SHISA6: variants seen among roughly 807,000 people sequenced by gnomAD.
The protein encoded by SHISA6 is protein shisa-6.
A neutral mutation model predicts 47.9 loss-of-function variants in SHISA6; 22 were observed. The observed-to-expected ratio is 0.46, with a 90% confidence interval of 0.33 to 0.66. The LOEUF (loss-of-function observed/expected upper bound fraction) is 0.66, where lower values mean the gene tolerates loss of function less well. Ranked by LOEUF, SHISA6 falls within the 30% of genes least tolerant of loss-of-function variation. SHISA6 has a pLI of 0.02. For synonymous variants in SHISA6, 388 were observed against 337.8 expected (o/e 1.15, Z -1.63); for missense variants, 680 against 764.6 (o/e 0.89, Z 1.30).
At chr17:11,531,839 A>G (rs2071736059) in intron 3 of SHISA6, among the ~76,000 whole-genome samples, 1 of 152,228 alleles carries the variant, frequency 6.6e-6, no homozygotes, top group South Asian at 2.1e-4. Context: ...TAGATTTTAA[A>G]TGTTCTCAAC....
In SHISA6 at chr17:11,356,457, G is replaced by A. The variant is rs544955085; in HGVS notation, c.800-22957G>A. Among the ~76,000 whole-genome samples, 76 of 152,298 alleles carry A rather than the reference G, an allele frequency of 5.0e-4. No individual in the cohort carries two copies. The South Asian group carries it at 0.015, about 29-fold the overall frequency. On this transcript the variant is annotated intron_variant, in intron 2 of 5. Transcript: ENST00000441885. ...GTCACAGCAAAATAGTTCCCTCTACGCACTTTGGCTGGAACATCTTATTTA... is the reference window on the plus strand; with the variant it reads ...GTCACAGCAAAATAGTTCCCTCTACACACTTTGGCTGGAACATCTTATTTA...
rs1910834054 is a variant in SHISA6 at position 11,325,112 on chromosome 17, T to C, written c.800-54302T>C. On this transcript the variant is annotated intron_variant, in intron 2 of 5. Transcript: ENST00000441885. ...TCATTCTCAGATGGCAGCCTTGACA[T>C]GTCAGGACAGCCTGGATCCAGGCGA... Among the ~76,000 whole-genome samples the C allele has an allele frequency of 2.0e-5, 3 of 152,134 alleles. 1 individual carries two copies. In the South Asian group the frequency reaches 6.2e-4, roughly 32 times the overall value.
chr17:11,506,117 C>T (rs1320106142), intron 3 of SHISA6, among the ~76,000 whole-genome samples: 3 of 152,162 alleles, frequency 2.0e-5, no homozygotes, highest in Non-Finnish European at 4.4e-5. Flanking sequence ...TCAAGTGAAA[C>T]GTTGATATTC....
chr17:11,343,301 G>T (rs924185537), intron 2 of SHISA6, among the ~76,000 whole-genome samples: 1 of 152,130 alleles, frequency 6.6e-6, no homozygotes, highest in Non-Finnish European at 1.5e-5. Flanking sequence ...TGATGTCATC[G>T]GTTTAATTCC....
At chr17:11,432,934 CAG>C (rs1284860417) in intron 3 of SHISA6, among the ~76,000 whole-genome samples, 2 of 152,082 alleles carry the variant, frequency 1.3e-5, no homozygotes, top group Admixed American at 1.3e-4. Context: ...CTGATGGGTA[CAG>C]AGTTTCTTTG....
rs540361263 is a variant in SHISA6, at chr17:11,244,441, A to G, written c.638+2381A>G. ...TTCAGTTCTGGGTAACTGAAGCACA[A>G]TGTCCCAACTCAGCTTCTTGCTTCC... On this transcript the variant is annotated intron_variant, in intron 1 of 5. Coordinates refer to ENST00000441885, the MANE Select transcript of SHISA6 (RefSeq NM_207386.4). Among the ~76,000 whole-genome samples the G allele has an allele frequency of 3.9e-5, 6 of 152,206 alleles. No individual in the cohort carries two copies. The South Asian group carries it at 1.2e-3, about 32-fold the overall frequency.
chr17:11,263,865 G>A (rs1908333654), intron 2 of SHISA6, among the ~76,000 whole-genome samples: 1 of 152,168 alleles, frequency 6.6e-6, no homozygotes, highest in Admixed American at 6.5e-5. Flanking sequence ...ACTTTAGGCT[G>A]AGTAGGATGC....
At chr17:11,338,386 CTTTTTTGTTTAT>C (rs1911397314) in intron 2 of SHISA6, among the ~76,000 whole-genome samples, 1 of 151,918 alleles carries the variant, frequency 6.6e-6, no homozygotes, top group African/African-American at 2.4e-5. Flanking sequence ...TACCAGAAGC[CTTTTTTGTTTAT>C]TTTTTTGTTT....
intron 3 of SHISA6, among the ~76,000 whole-genome samples, chr17:11,524,184 C>T (rs906585838): frequency 2.0e-5 from 3 of 151,856 alleles, no homozygotes; most frequent in African/African-American, 7.3e-5. Flanking sequence ...AATAGGGCCC[C>T]GAAACTACTG....
At chr17:11,408,772 A>G (rs184157749) in intron 3 of SHISA6, among the ~76,000 whole-genome samples, 17 of 152,346 alleles carry the variant, frequency 1.1e-4, no homozygotes, top group African/African-American at 4.1e-4. Flanking sequence ...TGATTAATTC[A>G]GGTGTTTCTT....
At chr17:11,350,196 T>C (rs866441372) in intron 2 of SHISA6, among the ~76,000 whole-genome samples, 63 of 139,930 alleles carry the variant, frequency 4.5e-4, no homozygotes, top group Middle Eastern at 3.5e-3. Flanking sequence ...TTTTTTTTTT[T>C]TGAGACGGAG....
intron 2 of SHISA6, among the ~76,000 whole-genome samples, chr17:11,295,000 G>A (rs1306870269): frequency 2.0e-5 from 3 of 152,150 alleles, no homozygotes; most frequent in African/African-American, 4.8e-5. Flanking sequence ...CGCGGCAGTC[G>A]ATCTGATAAC....
intron 2 of SHISA6, among the ~76,000 whole-genome samples, chr17:11,327,708 A>T (rs1275212223): frequency 6.6e-6 from 1 of 152,176 alleles, no homozygotes; most frequent in Admixed American, 6.5e-5. Flanking sequence ...GAGGCAGGAG[A>T]ATCGCTTGAA....
chr17:11,257,126 G>A lies in SHISA6; in HGVS notation c.639-6240G>A, dbSNP rs147892486. ...AGCCGTTCTGAGCCTCTCTGTATGA[G>A]GAGAGCAGTCTTGTGCACACACAAA... On this transcript the variant is annotated intron_variant, in intron 1 of 5. Transcript: ENST00000441885. Among the ~76,000 whole-genome samples the A allele has an allele frequency of 3.2e-3, 494 of 152,318 alleles. 5 individuals carry two copies. The highest frequency in any genetic ancestry group is 0.011 in the African/African-American group (464 of 41,562).
chr17:11,416,455 T>A (rs1914284914), intron 3 of SHISA6, among the ~76,000 whole-genome samples: 3 of 152,166 alleles, frequency 2.0e-5, no homozygotes. Context: ...ATCTCATAGT[T>A]GTTGGTCGAA....
At chr17:11,325,717 G>C (rs1279993430) in intron 2 of SHISA6, among the ~76,000 whole-genome samples, 1 of 150,798 alleles carries the variant, frequency 6.6e-6, no homozygotes, top group East Asian at 1.9e-4. Flanking sequence ...AAAAAGACTT[G>C]ATGTCAAGAG....
At chr17:11,464,091 A>AT (rs986572363) in intron 3 of SHISA6, among the ~76,000 whole-genome samples, 2 of 151,680 alleles carry the variant, frequency 1.3e-5, no homozygotes, top group African/African-American at 2.4e-5. Context: ...TAATTTTTAA[A>AT]TTTTTTTTAG....
intron 3 of SHISA6, among the ~76,000 whole-genome samples, chr17:11,479,336 C>A (rs1168016074): frequency 1.3e-5 from 2 of 152,130 alleles, no homozygotes; most frequent in African/African-American, 2.4e-5. Context: ...TGGAAGTCAT[C>A]ATTCTCAGCA....
intron 2 of SHISA6, among the ~76,000 whole-genome samples, chr17:11,301,463 T>G (rs973794539): frequency 6.6e-6 from 1 of 152,188 alleles, no homozygotes; most frequent in Non-Finnish European, 1.5e-5. Flanking sequence ...TGCAGCACTT[T>G]GGGTCAGTAT....
Sources: allele counts gnomAD v4.1 joint callset (sites outside exome capture counted in the v4.1 genomes callset), GRCh38; gene constraint gnomAD v4.1.1; transcripts MANE v1.5; gene names NCBI Gene and HGNC (gene_info 2026-07-23, HGNC 2026-07-21).